Variants in GPRC6A observed in about 807,000 individuals in gnomAD.
GPRC6A encodes G protein-coupled receptor class C group 6 member A.
In GPRC6A, 54 loss-of-function variants were observed where a neutral mutation model predicts 47.0. That is an observed-to-expected ratio of 1.15 (90% CI 0.92 to 1.44). The LOEUF is 1.44. GPRC6A is among the 40% of genes most tolerant of loss of function. The pLI, the probability that GPRC6A is intolerant of heterozygous loss-of-function variation, is 0.00. For synonymous variants in GPRC6A, 347 were observed against 377.1 expected (o/e 0.92, Z 0.93); for missense variants, 1,112 against 1,105.5 (o/e 1.01, Z -0.08).
At chr6:116,795,263 A>T (rs1218409842) in intron 5 of GPRC6A, among the ~76,000 whole-genome samples, 2 of 152,160 alleles carry the variant, frequency 1.3e-5, no homozygotes, top group African/African-American at 4.8e-5. Context: ...AGAAATAATA[A>T]AAGTGCCAGG....
In GPRC6A at chr6:116,792,352, A is replaced by G. The variant is rs2114572654; in HGVS notation, c.2571T>C (p.Ser857=). Residue 857 remains serine (S), a synonymous_variant, in exon 6 of 6, where the codon TCT becomes TCC. Transcript: ENST00000310357. ...SAFLKMIYSY[S]SHSVSSIALS... Reference sequence around the variant, plus strand: ...GGGCAATGCTGCTCACACTATGGGAAGAATAACTGTAGATCATCTTGAGAA... The same window carrying G: ...GGGCAATGCTGCTCACACTATGGGAGGAATAACTGTAGATCATCTTGAGAA... 1.2e-6 allele frequency: 2 copies of G among 1,614,064 alleles called. No individual in the cohort carries two copies. Among genetic ancestry groups the G allele is most frequent in the African/African-American group, 1.3e-5 (1 of 75,044 alleles).
chr6:116,826,093 A>C (rs530498977), intron 1 of GPRC6A, among the ~76,000 whole-genome samples: 1 of 152,074 alleles, frequency 6.6e-6, no homozygotes, highest in South Asian at 2.1e-4. Flanking sequence ...AAACTATTAG[A>C]GGAAAACATA....
Position 116,823,070 on chromosome 6 carries a change from A to G in GPRC6A, c.194+5750T>C, listed in dbSNP as rs188241925. 3.6e-3 allele frequency among the ~76,000 whole-genome samples: 543 copies of G among 151,960 alleles called. 3 individuals are homozygous for G. The highest frequency in any genetic ancestry group is 0.012 in the African/African-American group (515 of 41,486). On this transcript the variant is annotated intron_variant, in intron 1 of 5. Coordinates refer to ENST00000310357, the MANE Select transcript of GPRC6A (RefSeq NM_148963.4). Reference sequence around the variant, plus strand: ...ATGCAAATTTTTGCAGCCAGCTTCAATTCCTCCCCCAGAAATTTTTGTTTG... The same window carrying G: ...ATGCAAATTTTTGCAGCCAGCTTCAGTTCCTCCCCCAGAAATTTTTGTTTG...
chr6:116,806,248 G>C (rs1772831797), intron 3 of GPRC6A, 122 bp downstream of exon 3: 1 of 660,642 alleles, frequency 1.5e-6, no homozygotes, highest in South Asian at 2.2e-5. Context: ...AACACTGAAA[G>C]TGTCTATTTA....
intron 1 of GPRC6A, among the ~76,000 whole-genome samples, chr6:116,823,108 T>G (rs1356056460): frequency 6.6e-6 from 1 of 152,074 alleles, no homozygotes; most frequent in Non-Finnish European, 1.5e-5. Flanking sequence ...TGTTTGTTTT[T>G]TGTTTTGTTT....
chr6:116,816,941 G>A (rs1773236524), intron 1 of GPRC6A, among the ~76,000 whole-genome samples: 1 of 152,216 alleles, frequency 6.6e-6, no homozygotes, highest in African/African-American at 2.4e-5. Flanking sequence ...AAACTGCAAG[G>A]TGGCAGCGAG....
intron 1 of GPRC6A, among the ~76,000 whole-genome samples, chr6:116,821,668 T>A (rs1310225553): frequency 2.0e-5 from 3 of 152,074 alleles, no homozygotes; most frequent in African/African-American, 4.8e-5. Context: ...TGTAGAAAGC[T>A]GAAACTGGAT....
Position 116,792,338 on chromosome 6 carries a change from C to T in GPRC6A, c.2585G>A (p.Ser862Asn), listed in dbSNP as rs1309170733. 6.2e-7 allele frequency: 1 copy of T among 1,613,880 alleles called. No individual in the cohort carries two copies. The highest frequency in any genetic ancestry group is 1.3e-5 in the African/African-American group (1 of 74,892). ...TGAAGCAGGACTCAGGGCAATGCTG[C>T]TCACACTATGGGAAGAATAACTGTA... is the stretch of plus-strand genomic sequence containing the variant. Reference protein sequence around the residue: ...MIYSYSSHSVSSIALSPASLD... With the variant: ...MIYSYSSHSVNSIALSPASLD... The change falls in exon 6 of 6, where the codon AGC (serine) becomes AAC (asparagine). Residue 862 changes from serine to asparagine, a missense_variant. Ser to Asn is a conservative substitution (Grantham distance 46). Transcript: ENST00000310357.
At chr6:116,819,356 A>T (rs1773369550) in intron 1 of GPRC6A, among the ~76,000 whole-genome samples, 2 of 151,252 alleles carry the variant, frequency 1.3e-5, no homozygotes, top group South Asian at 4.2e-4. Context: ...CACCAAGTGG[A>T]CCTAATAGAC....
At chr6:116,824,054 C>A (rs1297196684) in intron 1 of GPRC6A, among the ~76,000 whole-genome samples, 3 of 151,878 alleles carry the variant, frequency 2.0e-5, no homozygotes, top group African/African-American at 4.8e-5. Context: ...AGACACAGAT[C>A]CAAACCATAT....
At chr6:116,800,827 T>A in intron 3 of GPRC6A, 31 bp from the exon 4 acceptor site, 1 of 1,363,740 alleles carries the variant, frequency 7.3e-7, no homozygotes, top group Non-Finnish European at 1.0e-6. Context: ...GATAAGCACT[T>A]AATATAAATG....
At chr6:116,825,434 C>G (rs1416683240) in intron 1 of GPRC6A, among the ~76,000 whole-genome samples, 1 of 151,612 alleles carries the variant, frequency 6.6e-6, no homozygotes, top group East Asian at 1.9e-4. Flanking sequence ...GGTAGTGAAA[C>G]AGGTGAAAAA....
rs541388639 is a variant in GPRC6A at position 116,806,770 on chromosome 6, G to A, written c.935C>T (p.Thr312Ile). 1.2e-6 allele frequency: 2 copies of A among 1,613,426 alleles called. No individual in the cohort carries two copies. Among genetic ancestry groups the A allele is most frequent in the Non-Finnish European group, 1.7e-6 (2 of 1,179,710 alleles). ...AATCTTTTTAACATTAGGAATGGTG[G>A]TAATCTTGGTGGCAGTTGACCAATT... ...SDNWSTATKITTIPNVKKIGK... is the reference protein window; with the variant it reads ...SDNWSTATKIITIPNVKKIGK... The change falls in exon 3 of 6, where the codon ACC becomes ATC. Residue 312 changes from threonine (T) to isoleucine (I), a missense_variant. Thr to Ile is a moderately conservative substitution (Grantham distance 89). Transcript: ENST00000310357.
chr6:116,797,208 T>C (rs1212387154), intron 4 of GPRC6A, among the ~76,000 whole-genome samples: 1 of 152,168 alleles, frequency 6.6e-6, no homozygotes, highest in Non-Finnish European at 1.5e-5. Context: ...ACAAAGGACA[T>C]GAACTCATCA....
intron 3 of GPRC6A, among the ~76,000 whole-genome samples, chr6:116,802,118 A>G (rs965696341): frequency 1.3e-5 from 2 of 152,144 alleles, no homozygotes; most frequent in African/African-American, 4.8e-5. Flanking sequence ...ATTAGGCTTT[A>G]TAGGCTAAAG....
chr6:116,823,641 C>T (rs997323084), intron 1 of GPRC6A, among the ~76,000 whole-genome samples: 1 of 152,026 alleles, frequency 6.6e-6, no homozygotes, highest in Non-Finnish European at 1.5e-5. Context: ...CTCTCTGGTA[C>T]CAAGTTTCTG....
At chr6:116,821,291 A>T (rs1235832524) in intron 1 of GPRC6A, among the ~76,000 whole-genome samples, 1 of 152,134 alleles carries the variant, frequency 6.6e-6, no homozygotes, top group Non-Finnish European at 1.5e-5. Flanking sequence ...TGCCCAAGGT[A>T]ATTTACAGAT....
At chr6:116,817,269 A>G (rs1335204629) in intron 1 of GPRC6A, among the ~76,000 whole-genome samples, 1 of 152,184 alleles carries the variant, frequency 6.6e-6, no homozygotes, top group East Asian at 1.9e-4. Context: ...ACCCCCCAGC[A>G]GGGGCACACT....
chr6:116,814,596 C>A (rs1773142904), intron 1 of GPRC6A, among the ~76,000 whole-genome samples: 1 of 151,958 alleles, frequency 6.6e-6, no homozygotes. Flanking sequence ...CACACTGGGG[C>A]TTGTCATGTG....
Sources: gnomAD v4.1 joint callset for allele counts (sites outside exome capture counted in the v4.1 genomes callset) on GRCh38, gnomAD v4.1.1 for gene constraint, MANE v1.5 for transcripts, NCBI Gene and HGNC (gene_info 2026-07-23, HGNC 2026-07-21) for gene names.